Variants in TENT5D observed in about 807,000 individuals in gnomAD.
TENT5D encodes cancer/testis antigen 112.
For missense variants in TENT5D, 191 were observed against 287.0 expected, an observed-to-expected ratio of 0.67 and a Z score of 2.42; for synonymous variants, 103 against 100.6, an observed-to-expected ratio of 1.02 and a Z score of -0.15.
chrX:80,370,659 C>A (rs1207505438), intron 3 of TENT5D, among the ~76,000 whole-genome samples: 1 of 111,753 alleles, frequency 8.9e-6, no homozygotes, highest in Non-Finnish European at 1.9e-5. Flanking sequence ...GCTTAAGTTT[C>A]AGTAAATATC....
intron 2 of TENT5D, among the ~76,000 whole-genome samples, chrX:80,336,733 A>G (rs1461120794): frequency 1.8e-5 from 2 of 111,980 alleles, no homozygotes; most frequent in Non-Finnish European, 3.8e-5. Flanking sequence ...AAGTTCCTAG[A>G]CTTATATGTA....
At chrX:80,383,621 C>T (rs1930924379) in intron 3 of TENT5D, among the ~76,000 whole-genome samples, 1 of 112,068 alleles carries the variant, frequency 8.9e-6, no homozygotes, top group African/African-American at 3.2e-5. Flanking sequence ...CTTTGTGAGG[C>T]CGAGGCAGGC....
At chrX:80,411,250 A>C (rs1308894985) in intron 3 of TENT5D, among the ~76,000 whole-genome samples, 1 of 111,631 alleles carries the variant, frequency 9.0e-6, no homozygotes, top group Non-Finnish European at 1.9e-5. Flanking sequence ...ATAATAAAAA[A>C]AAAAGAAAGA....
chrX:80,443,781 A>G, exon 3 of TENT5D: 2 of 920,388 alleles, frequency 2.2e-6, no homozygotes, highest in Non-Finnish European at 2.9e-6. Flanking sequence ...CAAATGTAAA[A>G]TTCAAGATCT....
intron 3 of TENT5D, among the ~76,000 whole-genome samples, chrX:80,369,443 G>A (rs1038075102): frequency 1.8e-5 from 2 of 111,689 alleles, no homozygotes; most frequent in Non-Finnish European, 3.8e-5. Context: ...AAATACAACA[G>A]TGAAAGATCA....
chrX:80,405,390 G>A (rs1013859154), intron 3 of TENT5D, among the ~76,000 whole-genome samples: 1 of 112,236 alleles, frequency 8.9e-6, no homozygotes, highest in Non-Finnish European at 1.9e-5. Context: ...CAGGTCAGTG[G>A]GTGCACGCAC....
At chrX:80,379,567 G>A (rs1223175475) in intron 3 of TENT5D, among the ~76,000 whole-genome samples, 5 of 110,803 alleles carry the variant, frequency 4.5e-5, no homozygotes, top group South Asian at 3.9e-4. Context: ...GGTAGAATTC[G>A]GCTGTGAATC....
chrX:80,395,232 G>A (rs1931218632), intron 3 of TENT5D, among the ~76,000 whole-genome samples: 1 of 112,023 alleles, frequency 8.9e-6, no homozygotes, highest in Non-Finnish European at 1.9e-5. Context: ...ACTCCATTGT[G>A]TATATATGCT....
Position 80,397,003 on chromosome X carries a change from G to A in TENT5D, c.-141-41607G>A, listed in dbSNP as rs867530519. 5.8e-3 allele frequency among the ~76,000 whole-genome samples: 480 copies of A among 82,841 alleles called. 10 individuals are homozygous for A. Among genetic ancestry groups the A allele is most frequent in the African/African-American group, 0.022 (449 of 20,796 alleles). 71.9% of individuals were successfully genotyped at this position (82,841 alleles called of 115,157 possible). A position where few individuals can be genotyped will look rare whatever the true frequency, so the allele number is the denominator to read the frequency against. On this transcript the variant is annotated intron_variant, in intron 3 of 4. Coordinates refer to the TENT5D transcript ENST00000538312. ...TGGGCAGAGGCGCCCCTCACCTCCC[G>A]GACGGGGCGTCTGGCCGGGGGGGGG...
intron 3 of TENT5D, among the ~76,000 whole-genome samples, chrX:80,411,943 G>T: frequency 8.9e-6 from 1 of 112,220 alleles, no homozygotes; most frequent in East Asian, 2.8e-4. Flanking sequence ...CCCCAGTAAG[G>T]ACTCTGTGTG....
intron 1 of TENT5D, among the ~76,000 whole-genome samples, chrX:80,420,768 A>G (rs1426657856): frequency 1.8e-5 from 2 of 112,247 alleles, no homozygotes; most frequent in African/African-American, 6.5e-5. Context: ...AAGGGCATCA[A>G]TAATTGTTTT....
At chrX:80,342,832 T>C (rs2147512153) in intron 3 of TENT5D, among the ~76,000 whole-genome samples, 1 of 112,104 alleles carries the variant, frequency 8.9e-6, no homozygotes, top group South Asian at 3.7e-4. Flanking sequence ...AAACATTATG[T>C]ACATGTGTTT....
Position 80,363,885 on chromosome X carries a change from T to A in TENT5D, c.-142+21321T>A, listed in dbSNP as rs1394513047. Among the ~76,000 whole-genome samples, 3 of 112,681 alleles carry A rather than the reference T, an allele frequency of 2.7e-5. No homozygotes were observed. The East Asian group carries it at 8.3e-4, about 31-fold the overall frequency. On this transcript the variant is annotated intron_variant, in intron 3 of 4. Transcript: ENST00000538312. ...TGATACATGTAGACATTGTGAAATGTTTAACCACAATCAAGCTAATTAACA... is the reference window on the plus strand; with the variant it reads ...TGATACATGTAGACATTGTGAAATGATTAACCACAATCAAGCTAATTAACA...
At chrX:80,389,865 G>T (rs1209053992) in intron 3 of TENT5D, among the ~76,000 whole-genome samples, 1 of 111,962 alleles carries the variant, frequency 8.9e-6, no homozygotes, top group African/African-American at 3.3e-5. Flanking sequence ...GATGATACTA[G>T]AGGATATTAA....
At chrX:80,424,781 TAC>T (rs1228929449) in intron 1 of TENT5D, among the ~76,000 whole-genome samples, 62 of 112,869 alleles carry the variant, frequency 5.5e-4, no homozygotes, top group Non-Finnish European at 1.0e-3. Context: ...CAAGAATAAT[TAC>T]CTTTACATAG....
Position 80,363,443 on chromosome X carries a change from A to G in TENT5D, c.-142+20879A>G, listed in dbSNP as rs146062417. ...TTTTACTGTTAGTCCCATAAACTTTACAAAGTTAACATTTTGTTCTAAACC... is the reference window on the plus strand; with the variant it reads ...TTTTACTGTTAGTCCCATAAACTTTGCAAAGTTAACATTTTGTTCTAAACC... On this transcript the variant is annotated intron_variant, in intron 3 of 4. Transcript: ENST00000538312. Among the ~76,000 whole-genome samples the G allele has an allele frequency of 2.7e-3, 306 of 111,987 alleles. 1 individual carries two copies. The East Asian group carries it at 0.048, about 17-fold the overall frequency.
At chrX:80,425,972 A>T (rs1404763763) in intron 1 of TENT5D, among the ~76,000 whole-genome samples, 1 of 110,941 alleles carries the variant, frequency 9.0e-6, no homozygotes. Context: ...GGTTGCAGTG[A>T]GCCAAGATCA....
intron 2 of TENT5D, among the ~76,000 whole-genome samples, chrX:80,341,743 G>A: frequency 1.1e-5 from 1 of 91,619 alleles, no homozygotes; most frequent in African/African-American, 4.1e-5. Flanking sequence ...ACGGAGTCTC[G>A]CTCTGTCGCC....
intron 3 of TENT5D, among the ~76,000 whole-genome samples, chrX:80,351,794 C>G (rs961317154): frequency 9.0e-6 from 1 of 111,404 alleles, no homozygotes; most frequent in Non-Finnish European, 1.9e-5. Context: ...ATTTATCTAC[C>G]TTTGATCTTT....
Sources: allele counts gnomAD v4.1 joint callset (sites outside exome capture counted in the v4.1 genomes callset), GRCh38; gene constraint gnomAD v4.1.1; transcripts MANE v1.5; gene names NCBI Gene and HGNC (gene_info 2026-07-23, HGNC 2026-07-21).